Variants in PTPRT observed in about 807,000 individuals in gnomAD.
PTPRT encodes protein tyrosine phosphatase receptor type T.
PTPRT carries 56 observed loss-of-function variants against 176.8 expected under a neutral mutation model. The ratio of observed to expected loss-of-function variants is 0.32; its 90% CI spans 0.26 to 0.40. The LOEUF (loss-of-function observed/expected upper bound fraction) is 0.40, where lower values mean the gene tolerates loss of function less well. Among genes scored for constraint, PTPRT ranks in the 10% least tolerant of loss-of-function variants. PTPRT has a pLI of 1.00. For missense variants in PTPRT, 1,540 were observed against 1,908.2 expected (o/e 0.81, Z 3.60); for synonymous variants, 783 against 739.0 (o/e 1.06, Z -0.96).
At chr20:42,973,758 C>T (rs904918796) in intron 1 of PTPRT, among the ~76,000 whole-genome samples, 6 of 152,180 alleles carry the variant, frequency 3.9e-5, no homozygotes, top group African/African-American at 1.4e-4. Context: ...TAGAAGAAGA[C>T]AAAGTATGCT....
At chr20:43,075,768 T>C (rs1167664592) in intron 1 of PTPRT, among the ~76,000 whole-genome samples, 1 of 152,226 alleles carries the variant, frequency 6.6e-6, no homozygotes, top group Non-Finnish European at 1.5e-5. Flanking sequence ...GAGCATGTCT[T>C]AGAATTTGGA....
chr20:42,577,624 C>A (rs551674683), intron 7 of PTPRT, among the ~76,000 whole-genome samples: 1 of 152,132 alleles, frequency 6.6e-6, no homozygotes, highest in African/African-American at 2.4e-5. Context: ...TTAAACTGGG[C>A]TAACGGTGAC....
At chr20:43,050,434 G>T (rs981717291) in intron 1 of PTPRT, among the ~76,000 whole-genome samples, 1 of 152,180 alleles carries the variant, frequency 6.6e-6, no homozygotes, top group African/African-American at 2.4e-5. Context: ...GCAAGGCCAC[G>T]GCCACCCAGG....
At chr20:42,178,900 G>A (rs929292032) in intron 16 of PTPRT, among the ~76,000 whole-genome samples, 12 of 152,146 alleles carry the variant, frequency 7.9e-5, no homozygotes, top group African/African-American at 2.9e-4. Flanking sequence ...AGCTTCCCAA[G>A]GAACAGACAA....
chr20:42,947,063 T>A (rs1276141868), intron 1 of PTPRT, among the ~76,000 whole-genome samples: 1 of 152,140 alleles, frequency 6.6e-6, no homozygotes, highest in East Asian at 1.9e-4. Context: ...AGTGCAGGTA[T>A]GGGATTTTGA....
intron 7 of PTPRT, among the ~76,000 whole-genome samples, chr20:42,654,707 G>A (rs981148817): frequency 1.3e-5 from 2 of 152,204 alleles, no homozygotes; most frequent in South Asian, 2.1e-4. Flanking sequence ...GGAGCCCACT[G>A]AGATGGGTAC....
rs111434300 is a variant in PTPRT at position 42,725,104 on chromosome 20, T to C, written c.859+31358A>G. Among the ~76,000 whole-genome samples the C allele has an allele frequency of 7.9e-3, 1,203 of 151,660 alleles. 20 individuals carry two copies. The highest frequency in any genetic ancestry group is 0.028 in the African/African-American group (1,145 of 41,366). ...GTTCAATGGAATGATCTCGGCTCAC[T>C]GTAGCCTCCACCTCCCTGGTTCAAG... is the stretch of plus-strand genomic sequence containing the variant. On this transcript the variant is annotated intron_variant, in intron 6 of 30. Transcript: ENST00000373187.
At chr20:43,094,091 C>CTTTTTTTTTTTTT (rs11478226) in intron 1 of PTPRT, among the ~76,000 whole-genome samples, 1 of 130,700 alleles carries the variant, frequency 7.7e-6, no homozygotes, top group Non-Finnish European at 1.6e-5. Context: ...TTCTTTCTTT[C>CTTTTTTTTTTTTT]TTTTTTTTTT....
chr20:42,324,887 T>C (rs2057859618), intron 11 of PTPRT, among the ~76,000 whole-genome samples: 1 of 152,220 alleles, frequency 6.6e-6, no homozygotes, highest in Admixed American at 6.5e-5. Flanking sequence ...GAGGTGTACA[T>C]TCGGCAGATT....
intron 16 of PTPRT, among the ~76,000 whole-genome samples, chr20:42,184,553 T>TTCTTCTTCTTCTTCTTCC (rs1990666443): frequency 8.6e-6 from 1 of 116,342 alleles, no homozygotes; most frequent in South Asian, 3.5e-4. Context: ...CTTCTTCTTC[T>TTCTTCTTCTTCTTCTTCC]TCTTCTTATT....
chr20:42,497,324 C>T (rs1460230211), intron 7 of PTPRT, among the ~76,000 whole-genome samples: 4 of 151,964 alleles, frequency 2.6e-5, no homozygotes, highest in Non-Finnish European at 4.4e-5. Flanking sequence ...GAATAAGGCA[C>T]ATTCACTGGC....
intron 1 of PTPRT, among the ~76,000 whole-genome samples, chr20:43,075,295 C>T (rs1010322113): frequency 3.3e-5 from 5 of 152,260 alleles, no homozygotes; most frequent in Non-Finnish European, 5.9e-5. Context: ...GTGCATATGG[C>T]CTGTTTTATC....
At chr20:42,423,392 C>T (rs2059138160) in intron 9 of PTPRT, among the ~76,000 whole-genome samples, 1 of 152,014 alleles carries the variant, frequency 6.6e-6, no homozygotes, top group Non-Finnish European at 1.5e-5. Context: ...ACTGCATTTC[C>T]CTTTTTTATG....
chr20:42,567,973 CTTT>C (rs559196108), intron 7 of PTPRT, among the ~76,000 whole-genome samples: 1 of 140,478 alleles, frequency 7.1e-6, no homozygotes, highest in African/African-American at 2.6e-5. Context: ...CTTTTTTTTG[CTTT>C]TTTTTTTTTT....
intron 9 of PTPRT, among the ~76,000 whole-genome samples, chr20:42,358,229 TAC>T (rs993926437): frequency 7.2e-5 from 11 of 151,976 alleles, no homozygotes; most frequent in Non-Finnish European, 1.5e-4. Context: ...TTTTTTTTTT[TAC>T]AGTTTCTCTG....
intron 2 of PTPRT, among the ~76,000 whole-genome samples, chr20:42,807,078 T>C (rs1431017619): frequency 6.6e-6 from 1 of 152,158 alleles, no homozygotes; most frequent in Admixed American, 6.5e-5. Context: ...TTGAGCAGGA[T>C]GTGAAAAGAA....
At chr20:42,097,990 AG>A (rs1985440514) in intron 27 of PTPRT, among the ~76,000 whole-genome samples, 1 of 152,194 alleles carries the variant, frequency 6.6e-6, no homozygotes, top group Non-Finnish European at 1.5e-5. Flanking sequence ...CCAAGGTTCA[AG>A]TCCCAGGCTC....
chr20:42,736,233 T>C (rs2076538054), intron 6 of PTPRT, among the ~76,000 whole-genome samples: 1 of 152,142 alleles, frequency 6.6e-6, no homozygotes, highest in South Asian at 2.1e-4. Flanking sequence ...GGCTGAATTA[T>C]AAAATGGTTG....
At chr20:42,696,211 TTC>T (rs2146139124) in intron 6 of PTPRT, among the ~76,000 whole-genome samples, 1 of 151,190 alleles carries the variant, frequency 6.6e-6, no homozygotes, top group Admixed American at 6.6e-5. Flanking sequence ...TTTCTCCTTC[TTC>T]TCACTTTCCC....
Sources: allele counts gnomAD v4.1 joint callset (sites outside exome capture counted in the v4.1 genomes callset), GRCh38; gene constraint gnomAD v4.1.1; transcripts MANE v1.5; gene names NCBI Gene and HGNC (gene_info 2026-07-23, HGNC 2026-07-21).